The following GABRB1 variants were observed in gnomAD, a reference collection of about 807,000 sequenced individuals.
GABRB1 encodes the protein gamma-aminobutyric acid receptor subunit beta-1.
In GABRB1, 17 loss-of-function variants were observed where a neutral mutation model predicts 51.6. That is an observed-to-expected ratio of 0.33 (90% confidence interval 0.23 to 0.49). GABRB1 has a LOEUF of 0.49. GABRB1 is among the 20% of genes least tolerant of loss of function. The pLI is 0.99. For synonymous variants in GABRB1, 247 were observed against 218.9 expected, an observed-to-expected ratio of 1.13 and a Z score of -1.14; for missense variants, 410 against 600.6, an observed-to-expected ratio of 0.68 and a Z score of 3.32.
chr4:46,998,490 T>C (rs1203128605), intron 1 of GABRB1, among the ~76,000 whole-genome samples: 1 of 152,104 alleles, frequency 6.6e-6, no homozygotes, highest in Non-Finnish European at 1.5e-5. Flanking sequence ...CCCAGCACTT[T>C]GGGAGGCCGA....
At chr4:47,358,027 T>TCACA (rs1300013434) in intron 5 of GABRB1, among the ~76,000 whole-genome samples, 1 of 152,116 alleles carries the variant, frequency 6.6e-6, no homozygotes, top group African/African-American at 2.4e-5. Context: ...TAAAACCTCA[T>TCACA]CACACCCCCT....
chr4:47,059,434 G>C (rs1726754900), intron 3 of GABRB1, among the ~76,000 whole-genome samples: 1 of 152,116 alleles, frequency 6.6e-6, no homozygotes, highest in African/African-American at 2.4e-5. Context: ...ACCCTACTGA[G>C]TAACTGGGAC....
intron 1 of GABRB1, among the ~76,000 whole-genome samples, chr4:47,003,900 C>T (rs1316325987): frequency 1.3e-5 from 2 of 152,196 alleles, no homozygotes; most frequent in African/African-American, 4.8e-5. Flanking sequence ...TCAATGTCAG[C>T]CCACACATAT....
chr4:47,265,320 A>G (rs966802257), intron 4 of GABRB1, among the ~76,000 whole-genome samples: 5 of 152,136 alleles, frequency 3.3e-5, no homozygotes, highest in Non-Finnish European at 7.4e-5. Flanking sequence ...TGATATATAT[A>G]TATACATACC....
intron 5 of GABRB1, among the ~76,000 whole-genome samples, chr4:47,344,489 G>A (rs1726016774): frequency 1.3e-5 from 2 of 152,040 alleles, no homozygotes; most frequent in Non-Finnish European, 2.9e-5. Flanking sequence ...TTAGTTTGGA[G>A]GAAACAATAC....
intron 4 of GABRB1, among the ~76,000 whole-genome samples, chr4:47,194,635 A>G (rs1490011674): frequency 6.6e-6 from 1 of 152,210 alleles, no homozygotes; most frequent in African/African-American, 2.4e-5. Context: ...GTGCTGCACA[A>G]AAGTTACCAA....
At chr4:47,410,843 C>T (rs1436231625) in intron 8 of GABRB1, among the ~76,000 whole-genome samples, 1 of 152,058 alleles carries the variant, frequency 6.6e-6, no homozygotes, top group Non-Finnish European at 1.5e-5. Context: ...GAGGCTTATA[C>T]CTTAAGGGTA....
At chr4:47,036,036 C>A (rs1725542041) in intron 3 of GABRB1, among the ~76,000 whole-genome samples, 1 of 152,116 alleles carries the variant, frequency 6.6e-6, no homozygotes, top group Non-Finnish European at 1.5e-5. Flanking sequence ...TGACTCAATG[C>A]AGGACTCAAT....
intron 4 of GABRB1, among the ~76,000 whole-genome samples, chr4:47,255,413 G>T (rs567173965): frequency 7.9e-4 from 120 of 152,282 alleles, no homozygotes; most frequent in Non-Finnish European, 1.3e-3. Flanking sequence ...ACAAGAGTTA[G>T]GTTGATTCTT....
intron 3 of GABRB1, among the ~76,000 whole-genome samples, chr4:47,077,440 C>T (rs896666348): frequency 3.3e-5 from 5 of 152,066 alleles, no homozygotes; most frequent in South Asian, 2.1e-4. Flanking sequence ...AAAATAAAAA[C>T]GAAATAGTTG....
Position 47,035,467 on chromosome 4 carries a change from A to C in GABRB1, c.240+2983A>C, listed in dbSNP as rs186229468. 1.3e-4 allele frequency among the ~76,000 whole-genome samples: 20 copies of C among 152,272 alleles called. 1 individual carries two copies. The highest frequency in any genetic ancestry group is 4.1e-4 in the African/African-American group (17 of 41,544). ...ACAAGACTTTTCAGGCAATAATATT[A>C]TTGATTAAATTAGAAAGGATTGTTC... is the stretch of plus-strand genomic sequence containing the variant. On this transcript the variant is annotated intron_variant, in intron 3 of 8. Coordinates refer to ENST00000295454, the MANE Select transcript of GABRB1 (RefSeq NM_000812.4).
intron 3 of GABRB1, among the ~76,000 whole-genome samples, chr4:47,137,673 A>G (rs1716731465): frequency 6.6e-6 from 1 of 152,160 alleles, no homozygotes. Flanking sequence ...ATAGGCTAAT[A>G]TGAATCAGAG....
chr4:47,385,878 C>G (rs543479993), intron 5 of GABRB1, among the ~76,000 whole-genome samples: 8 of 152,270 alleles, frequency 5.3e-5, no homozygotes, highest in African/African-American at 1.9e-4. Flanking sequence ...AAACAGTCTA[C>G]TTACTACTAC....
intron 1 of GABRB1, among the ~76,000 whole-genome samples, chr4:47,009,981 A>G (rs893400093): frequency 1.3e-5 from 2 of 152,262 alleles, no homozygotes; most frequent in Admixed American, 6.5e-5. Flanking sequence ...TCACAAAACA[A>G]GACATTCGGA....
chr4:47,377,386 G>C (rs758250295), intron 5 of GABRB1, among the ~76,000 whole-genome samples: 3 of 136,350 alleles, frequency 2.2e-5, no homozygotes, highest in African/African-American at 3.4e-5. Flanking sequence ...TCCGGAGTTT[G>C]TTCCTTATGT....
At chr4:47,064,902 G>A (rs1292438401) in intron 3 of GABRB1, among the ~76,000 whole-genome samples, 1 of 152,116 alleles carries the variant, frequency 6.6e-6, no homozygotes, top group Non-Finnish European at 1.5e-5. Flanking sequence ...AAAGCCAATA[G>A]GATTAAGGTA....
chr4:47,023,827 GA>G (rs958561508), intron 1 of GABRB1, among the ~76,000 whole-genome samples: 50 of 151,800 alleles, frequency 3.3e-4, no homozygotes, highest in Admixed American at 9.2e-4. Context: ...ACAGAAAAAT[GA>G]AAAAAATTGA....
chr4:47,020,166 G>A (rs1296082865), intron 1 of GABRB1, among the ~76,000 whole-genome samples: 1 of 151,926 alleles, frequency 6.6e-6, no homozygotes, highest in Non-Finnish European at 1.5e-5. Context: ...CCTTTCCACT[G>A]TGCATGAGCA....
intron 3 of GABRB1, among the ~76,000 whole-genome samples, chr4:47,136,424 A>T (rs922716532): frequency 1.6e-4 from 24 of 152,136 alleles, no homozygotes; most frequent in African/African-American, 5.8e-4. Flanking sequence ...CCTAAAAAAA[A>T]TGGTAACTGC....
Sources: gnomAD v4.1 joint callset for allele counts (sites outside exome capture counted in the v4.1 genomes callset) on GRCh38, gnomAD v4.1.1 for gene constraint, MANE v1.5 for transcripts, NCBI Gene and HGNC (gene_info 2026-07-23, HGNC 2026-07-21) for gene names.